The following RBM26 variants were observed in gnomAD, a reference collection of about 807,000 sequenced individuals.
RBM26 encodes RNA binding motif protein 26.
In RBM26, 30 loss-of-function variants were observed where a neutral mutation model predicts 123.6. The ratio of observed to expected loss-of-function variants is 0.24; its 90% CI spans 0.18 to 0.33. The LOEUF (loss-of-function observed/expected upper bound fraction) is 0.33. Ranked by LOEUF, RBM26 falls within the 10% of genes least tolerant of loss-of-function variation. The probability of loss-of-function intolerance (pLI) is 1.00; values close to 1 mark genes in which losing one functional copy is unlikely to be tolerated. For synonymous variants in RBM26, 400 were observed against 404.4 expected (o/e 0.99, Z 0.13); for missense variants, 947 against 1,203.6 (o/e 0.79, Z 3.15).
At chr13:79,391,688 T>C (rs755293900) in intron 1 of RBM26, among the ~76,000 whole-genome samples, 2 of 152,100 alleles carry the variant, frequency 1.3e-5, no homozygotes, top group African/African-American at 2.4e-5. Context: ...CCTCCCAAAG[T>C]GCTGGGATTA....
intron 6 of RBM26, among the ~76,000 whole-genome samples, chr13:79,367,468 C>T (rs1445451992): frequency 2.1e-5 from 3 of 140,254 alleles, no homozygotes; most frequent in Admixed American, 7.4e-5. Flanking sequence ...ATGTGACAAA[C>T]GATGTTGGAG....
intron 9 of RBM26, among the ~76,000 whole-genome samples, chr13:79,361,553 TC>T (rs2074685754): frequency 6.6e-6 from 1 of 152,146 alleles, no homozygotes; most frequent in Non-Finnish European, 1.5e-5. Context: ...CTAAAATCAC[TC>T]ATGTCCTCAC....
rs920852645 is a variant in RBM26, at chr13:79,366,110, T to C, written c.1221A>G (p.Val407=). 1.9e-6 allele frequency: 3 copies of C among 1,613,932 alleles called. No individual in the cohort carries two copies. In the African/African-American group the frequency reaches 4.0e-5, roughly 22 times the overall value. The change falls in exon 8 of 22, where the codon GTA becomes GTG. Residue 407 remains valine (V), a synonymous_variant. Coordinates refer to ENST00000438737, the MANE Select transcript of RBM26 (RefSeq NM_001366735.2). ...NSATSSVPTV[V]TTGIHHQPPP... is the part of the protein sequence containing the mutation. Reference sequence around the variant, plus strand: ...GAGGCTGGTGATGAATGCCAGTTGTTACTACAGTAGGAACAGAACTGGTTG... The same window carrying C: ...GAGGCTGGTGATGAATGCCAGTTGTCACTACAGTAGGAACAGAACTGGTTG...
chr13:79,320,125 CTAATACA>C lies in RBM26; in HGVS notation c.*489_*495del. On this transcript the variant is annotated 3_prime_UTR_variant, in exon 22 of 22. Coordinates refer to ENST00000438737, the MANE Select transcript of RBM26 (RefSeq NM_001366735.2). ...AATACATACACAGTCCAACAAAAGG[CTAATACA>C]TAGTAAAGCCTAAGCATACTACTAT... 1 of 968,838 alleles carries C rather than the reference CTAATACA, an allele frequency of 1.0e-6. No homozygotes were observed. Among genetic ancestry groups the C allele is most frequent in the Non-Finnish European group, 1.2e-6 (1 of 815,268 alleles). 60.0% of individuals were successfully genotyped at this position (968,838 alleles called of 1,614,324 possible). A position where few individuals can be genotyped will look rare whatever the true frequency, so the allele number is the denominator to read the frequency against.
In RBM26 at chr13:79,354,579, A is replaced by C; in HGVS notation, c.1855-9T>G. ...ACTAAAGGCTGCATTACCTCAGAAC[A>C]AGGAAAAAATGTTAAACAAGTTGAT... On this transcript the variant is annotated splice_polypyrimidine_tract_variant and intron_variant, in intron 12 of 21. Coordinates refer to ENST00000438737, the MANE Select transcript of RBM26 (RefSeq NM_001366735.2). 1 of 1,570,812 alleles carries C rather than the reference A, an allele frequency of 6.4e-7. No individual in the cohort carries two copies. The highest frequency in any genetic ancestry group is 1.2e-5 in the South Asian group (1 of 84,592).
intron 20 of RBM26, among the ~76,000 whole-genome samples, chr13:79,324,713 T>A (rs969680424): frequency 2.6e-5 from 4 of 151,866 alleles, no homozygotes; most frequent in Non-Finnish European, 5.9e-5. Flanking sequence ...CTATTTTTTT[T>A]AAATCCCTAG....
At chr13:79,370,018 T>C (rs2075717428) in intron 5 of RBM26, among the ~76,000 whole-genome samples, 1 of 152,130 alleles carries the variant, frequency 6.6e-6, no homozygotes, top group African/African-American at 2.4e-5. Context: ...GTTTGCATTT[T>C]TAAAAACTAG....
intron 9 of RBM26, among the ~76,000 whole-genome samples, chr13:79,360,497 A>G (rs1388395025): frequency 6.6e-6 from 1 of 152,054 alleles, no homozygotes; most frequent in African/African-American, 2.4e-5. Flanking sequence ...ACAAATATAT[A>G]TATATATATC....
At chr13:79,377,218 G>A in intron 3 of RBM26, 161 bp downstream of exon 3, 1 of 561,512 alleles carries the variant, frequency 1.8e-6, no homozygotes, top group Non-Finnish European at 3.1e-6. Flanking sequence ...AGGGCCATAA[G>A]CACAATTATA....
chr13:79,344,546 C>T (rs1465399142), intron 15 of RBM26, 123 bp downstream of exon 15: 22 of 924,162 alleles, frequency 2.4e-5, no homozygotes, highest in East Asian at 2.3e-4. Flanking sequence ...GGAAAATAAA[C>T]GTTCAGTGGC....
intron 20 of RBM26, among the ~76,000 whole-genome samples, chr13:79,323,329 T>C (rs114848637): frequency 2.1e-3 from 317 of 151,746 alleles, no homozygotes; most frequent in African/African-American, 7.2e-3. Flanking sequence ...TATTCAATGA[T>C]ATTTGACATA....
intron 11 of RBM26, among the ~76,000 whole-genome samples, chr13:79,357,692 A>C (rs2074187064): frequency 6.6e-6 from 1 of 152,170 alleles, no homozygotes; most frequent in Non-Finnish European, 1.5e-5. Context: ...TGATTTTGAG[A>C]AACTGAGGAA....
chr13:79,369,175 A>G (rs2075632488), intron 5 of RBM26, among the ~76,000 whole-genome samples, 185 bp from the exon 6 acceptor site: 1 of 152,186 alleles, frequency 6.6e-6, no homozygotes, highest in African/African-American at 2.4e-5. Flanking sequence ...TTTCTTTTTA[A>G]TATAACCCAA....
At chr13:79,331,286 G>T (rs1382653514) in intron 20 of RBM26, among the ~76,000 whole-genome samples, 1 of 151,784 alleles carries the variant, frequency 6.6e-6, no homozygotes, top group Admixed American at 6.6e-5. Context: ...TTACAGGTGT[G>T]AGCCACTGCG....
At chr13:79,334,162 C>A (rs1231346306) in intron 20 of RBM26, among the ~76,000 whole-genome samples, 182 bp downstream of exon 20, 1 of 152,130 alleles carries the variant, frequency 6.6e-6, no homozygotes, top group Non-Finnish European at 1.5e-5. Flanking sequence ...TATTATGTTA[C>A]ACACAGAATT....
chr13:79,400,089 T>C (rs1684467315), intron 1 of RBM26, among the ~76,000 whole-genome samples: 1 of 152,232 alleles, frequency 6.6e-6, no homozygotes, highest in Non-Finnish European at 1.5e-5. Context: ...CAAATGTGTA[T>C]GTATTTGTAA....
chr13:79,316,584 A>G (rs1593827312), downstream of RBM26, among the ~76,000 whole-genome samples: 1 of 151,966 alleles, frequency 6.6e-6, no homozygotes, highest in Non-Finnish European at 1.5e-5. Flanking sequence ...TCAAATCACA[A>G]TAAAACAAAA....
intron 11 of RBM26, 81 bp from the exon 12 acceptor site, chr13:79,355,465 T>C: frequency 9.7e-7 from 1 of 1,027,532 alleles, no homozygotes; most frequent in South Asian, 1.5e-5. Flanking sequence ...GTAAGTGAAA[T>C]ACTGGTCCTT....
intron 1 of RBM26, among the ~76,000 whole-genome samples, chr13:79,391,478 C>T (rs1178267579): frequency 1.3e-5 from 2 of 152,120 alleles, no homozygotes; most frequent in African/African-American, 4.8e-5. Flanking sequence ...GGCTGGAGTG[C>T]GGTGGCGCCA....
Sources: gnomAD v4.1 joint callset for allele counts (sites outside exome capture counted in the v4.1 genomes callset) on GRCh38, gnomAD v4.1.1 for gene constraint, MANE v1.5 for transcripts, NCBI Gene and HGNC (gene_info 2026-07-23, HGNC 2026-07-21) for gene names.